CEP170: variants seen among roughly 807,000 people sequenced by gnomAD.
CEP170 encodes centrosomal protein of 170 kDa.
In CEP170, 21 loss-of-function variants were observed where a neutral mutation model predicts 151.9. The observed-to-expected ratio is 0.14, with a 90% confidence interval of 0.10 to 0.20. The LOEUF (loss-of-function observed/expected upper bound fraction) is 0.20, where lower values mean the gene tolerates loss of function less well. Ranked by LOEUF, CEP170 falls within the 10% of genes least tolerant of loss-of-function variation. CEP170 has a pLI of 1.00. For synonymous variants in CEP170, 356 were observed against 648.8 expected (o/e 0.55, Z 6.86); for missense variants, 964 against 1,892.9 (o/e 0.51, Z 9.11).
chr1:243,161,027 G>C (rs1233633187), intron 13 of CEP170, among the ~76,000 whole-genome samples: 3 of 150,436 alleles, frequency 2.0e-5, no homozygotes, highest in Admixed American at 2.0e-4. Flanking sequence ...TTGATATCAA[G>C]AATCACTGAA....
At chr1:243,223,219 A>G (rs1396614958) in intron 2 of CEP170, among the ~76,000 whole-genome samples, 1 of 152,226 alleles carries the variant, frequency 6.6e-6, no homozygotes, top group Non-Finnish European at 1.5e-5. Flanking sequence ...ATGGATCCTC[A>G]TAAATAATCT....
At chr1:243,158,117 T>C (rs2057730107) in intron 13 of CEP170, among the ~76,000 whole-genome samples, 1 of 152,184 alleles carries the variant, frequency 6.6e-6, no homozygotes, top group African/African-American at 2.4e-5. Context: ...GTTGAAGTGA[T>C]CCTGAGACTT....
In CEP170 at chr1:243,217,867, A is replaced by C. The variant is rs145523256; in HGVS notation, c.195+3857T>G. 1.4e-3 allele frequency among the ~76,000 whole-genome samples: 211 copies of C among 152,334 alleles called. 2 individuals carry two copies. The highest frequency in any genetic ancestry group is 4.8e-3 in the African/African-American group (199 of 41,578). On this transcript the variant is annotated intron_variant, in intron 3 of 19. Coordinates refer to ENST00000366542, the MANE Select transcript of CEP170 (RefSeq NM_014812.3). ...TAATCATCAAGATCTTGGAGTCCAG[A>C]AGTGGCAATGTTGGGATTCGAAATC...
chr1:243,129,874 A>G (rs1766014), intron 17 of CEP170, among the ~76,000 whole-genome samples: 17,660 of 151,788 alleles, frequency 0.12, 2,544 homozygotes, highest in African/African-American at 0.33. Flanking sequence ...GAGAGAGAGA[A>G]AAAAAAAGAC....
intron 17 of CEP170, among the ~76,000 whole-genome samples, 185 bp from the exon 18 acceptor site, chr1:243,129,638 A>G (rs1248758347): frequency 3.3e-5 from 5 of 152,158 alleles, no homozygotes; most frequent in Admixed American, 2.0e-4. Flanking sequence ...ATGAGCTCCA[A>G]TTGAATGCTT....
intron 1 of CEP170, among the ~76,000 whole-genome samples, chr1:243,239,959 T>C (rs1462596562): frequency 1.3e-5 from 2 of 152,210 alleles, no homozygotes; most frequent in African/African-American, 4.8e-5. Flanking sequence ...GGTGAAGTTT[T>C]ATCAATAGGC....
intron 4 of CEP170, among the ~76,000 whole-genome samples, chr1:243,208,135 T>TA (rs1323587536): frequency 6.6e-6 from 1 of 152,116 alleles, no homozygotes; most frequent in Non-Finnish European, 1.5e-5. Context: ...ACATCCAGTC[T>TA]AATCAGAAAA....
At chr1:243,216,573 A>C (rs2062319761) in intron 3 of CEP170, among the ~76,000 whole-genome samples, 1 of 152,194 alleles carries the variant, frequency 6.6e-6, no homozygotes, top group South Asian at 2.1e-4. Context: ...TAAAGGGATT[A>C]GGTTATTAAA....
chr1:243,189,373 G>A (rs1279357379), intron 8 of CEP170, among the ~76,000 whole-genome samples: 4 of 151,882 alleles, frequency 2.6e-5, no homozygotes, highest in East Asian at 1.9e-4. Context: ...TGGCTAACAC[G>A]GTGAAACCCC....
At chr1:243,170,821 A>G (rs1322945787) in intron 11 of CEP170, among the ~76,000 whole-genome samples, 1 of 152,162 alleles carries the variant, frequency 6.6e-6, no homozygotes, top group Non-Finnish European at 1.5e-5. Flanking sequence ...AGTATAGAGA[A>G]TGACACACAT....
chr1:243,197,530 G>A (rs1436845426), intron 7 of CEP170, among the ~76,000 whole-genome samples: 1 of 152,030 alleles, frequency 6.6e-6, no homozygotes, highest in Non-Finnish European at 1.5e-5. Context: ...TTTTGGCAAA[G>A]TTCTTCCAAA....
At chr1:243,210,682 TTGGCTC>T (rs1237484972) in intron 4 of CEP170, among the ~76,000 whole-genome samples, 9 of 146,404 alleles carry the variant, frequency 6.1e-5, no homozygotes, top group African/African-American at 2.3e-4. Flanking sequence ...TAGTGTGATC[TTGGCTC>T]ACTGCAACCT....
chr1:243,241,307 A>G (rs956936255), intron 1 of CEP170, among the ~76,000 whole-genome samples: 3 of 152,274 alleles, frequency 2.0e-5, no homozygotes, highest in Non-Finnish European at 1.5e-5. Context: ...ACCAGACACT[A>G]GCAATTTAAT....
At chr1:243,151,216 G>A (rs914339431) in intron 14 of CEP170, among the ~76,000 whole-genome samples, 5 of 151,712 alleles carry the variant, frequency 3.3e-5, no homozygotes, top group Non-Finnish European at 7.4e-5. Flanking sequence ...GTTGGTGTCA[G>A]TATGACCAAA....
At chr1:243,180,647 T>G (rs751324805) in intron 10 of CEP170, among the ~76,000 whole-genome samples, 1 of 152,222 alleles carries the variant, frequency 6.6e-6, no homozygotes, top group Non-Finnish European at 1.5e-5. Flanking sequence ...TTCTGGTTTA[T>G]CATCGTTTCC....
intron 1 of CEP170, among the ~76,000 whole-genome samples, chr1:243,229,436 G>A (rs2063544272): frequency 6.6e-6 from 1 of 152,104 alleles, no homozygotes; most frequent in African/African-American, 2.4e-5. Flanking sequence ...GAAAAAAAAG[G>A]CCAAGAAGAT....
chr1:243,157,802 C>G (rs1387311819), intron 13 of CEP170, among the ~76,000 whole-genome samples: 1 of 152,132 alleles, frequency 6.6e-6, no homozygotes, highest in African/African-American at 2.4e-5. Flanking sequence ...ACAGAGAACT[C>G]TACAACGAGG....
intron 14 of CEP170, among the ~76,000 whole-genome samples, chr1:243,146,955 C>A (rs1452125399): frequency 1.3e-5 from 2 of 151,722 alleles, no homozygotes; most frequent in African/African-American, 4.9e-5. Flanking sequence ...TTGTGAATCC[C>A]CCCTAACCAG....
chr1:243,171,222 T>C (rs1464901513), intron 11 of CEP170, among the ~76,000 whole-genome samples: 1 of 152,184 alleles, frequency 6.6e-6, no homozygotes, highest in Non-Finnish European at 1.5e-5. Flanking sequence ...GTAAATTAAG[T>C]ATCTCATAAA....
Sources: allele counts gnomAD v4.1 joint callset (sites outside exome capture counted in the v4.1 genomes callset), GRCh38; gene constraint gnomAD v4.1.1; transcripts MANE v1.5; gene names NCBI Gene and HGNC (gene_info 2026-07-23, HGNC 2026-07-21).